Variants in TEAD1 observed in about 807,000 individuals in gnomAD.
TEAD1 encodes the protein TEA domain transcription factor 1, also known as transcriptional enhancer factor TEF-1.
TEAD1 carries 9 observed loss-of-function variants against 54.9 expected under a neutral mutation model. The ratio of observed to expected loss-of-function variants is 0.16; its 90% CI spans 0.10 to 0.29. The LOEUF (loss-of-function observed/expected upper bound fraction) is 0.29, where lower values mean the gene tolerates loss of function less well. Ranked by LOEUF, TEAD1 falls within the 10% of genes least tolerant of loss-of-function variation. The pLI is 1.00. For missense variants in TEAD1, 387 were observed against 535.9 expected (o/e 0.72, Z 2.74); for synonymous variants, 200 against 187.8 (o/e 1.07, Z -0.53).
At chr11:12,735,948 A>G (rs567121499) in intron 2 of TEAD1, among the ~76,000 whole-genome samples, 1 of 152,316 alleles carries the variant, frequency 6.6e-6, no homozygotes, top group African/African-American at 2.4e-5. Context: ...CAATCCAGGT[A>G]CCTACCACTT....
intron 2 of TEAD1, among the ~76,000 whole-genome samples, chr11:12,729,102 C>T (rs1019021958): frequency 3.9e-5 from 6 of 152,218 alleles, no homozygotes; most frequent in African/African-American, 1.4e-4. Flanking sequence ...TCTGCTAGAA[C>T]AGGACTTGGT....
In TEAD1 at chr11:12,694,787, G is replaced by A. The variant is rs1054930768; in HGVS notation, c.-55+19226G>A. On this transcript the variant is annotated intron_variant, in intron 2 of 12. Coordinates refer to ENST00000527636, the MANE Select transcript of TEAD1 (RefSeq NM_021961.6). ...TAGCTAGCGTGGGATTTGAGAAAAT[G>A]GGACTGAAATGAGACCCTTCTCCCC... is the stretch of plus-strand genomic sequence containing the variant. Among the ~76,000 whole-genome samples, 3 of 152,194 alleles carry A rather than the reference G, an allele frequency of 2.0e-5. No individual in the cohort carries two copies. The East Asian group carries it at 5.8e-4, about 29-fold the overall frequency.
At chr11:12,708,371 A>G (rs1943864001) in intron 2 of TEAD1, among the ~76,000 whole-genome samples, 2 of 151,954 alleles carry the variant, frequency 1.3e-5, no homozygotes, top group African/African-American at 4.8e-5. Flanking sequence ...TCGTGAAGAG[A>G]CACAGTCGGT....
chr11:12,826,718 A>G (rs1038897313), intron 3 of TEAD1, among the ~76,000 whole-genome samples: 5 of 152,204 alleles, frequency 3.3e-5, no homozygotes, highest in African/African-American at 1.2e-4. Flanking sequence ...TTGAGCATCA[A>G]ATGAAAAAAT....
intron 5 of TEAD1, among the ~76,000 whole-genome samples, chr11:12,872,568 G>T (rs1230052817): frequency 6.6e-6 from 1 of 152,202 alleles, no homozygotes; most frequent in Non-Finnish European, 1.5e-5. Flanking sequence ...CAACAGTGTG[G>T]TGATGGAGAA....
chr11:12,918,668 A>G (rs1948756669), intron 10 of TEAD1, among the ~76,000 whole-genome samples: 1 of 152,182 alleles, frequency 6.6e-6, no homozygotes, highest in Non-Finnish European at 1.5e-5. Context: ...AAACACATCC[A>G]TATGTCCCTC....
At chr11:12,759,643 A>T (rs1298165076) in intron 2 of TEAD1, among the ~76,000 whole-genome samples, 2 of 152,132 alleles carry the variant, frequency 1.3e-5, no homozygotes, top group Admixed American at 1.3e-4. Context: ...TGGGCGGATT[A>T]TGAGGTCAGG....
At chr11:12,891,273 C>T (rs1948192299) in intron 9 of TEAD1, among the ~76,000 whole-genome samples, 1 of 152,186 alleles carries the variant, frequency 6.6e-6, no homozygotes. Context: ...TATGTATTCT[C>T]CCACCCCACC....
At chr11:12,870,072 G>C (rs543471497) in intron 5 of TEAD1, among the ~76,000 whole-genome samples, 3 of 152,084 alleles carry the variant, frequency 2.0e-5, no homozygotes, top group Admixed American at 6.6e-5. Context: ...TAGAGACGGG[G>C]TTTCACCATG....
At chr11:12,854,753 G>A (rs1403654207) in intron 3 of TEAD1, among the ~76,000 whole-genome samples, 1 of 142,742 alleles carries the variant, frequency 7.0e-6, no homozygotes, top group Non-Finnish European at 1.5e-5. Context: ...TACCAAGCCT[G>A]GCTGATTTTT....
intron 3 of TEAD1, among the ~76,000 whole-genome samples, chr11:12,802,728 G>A (rs1946085765): frequency 6.6e-6 from 1 of 152,170 alleles, no homozygotes. Flanking sequence ...AGGTATTCCA[G>A]ATATGAGCGA....
chr11:12,902,474 T>C (rs1404658224), intron 10 of TEAD1, among the ~76,000 whole-genome samples: 1 of 152,226 alleles, frequency 6.6e-6, no homozygotes. Flanking sequence ...ACTTCATTTG[T>C]GCTTTAAAAT....
At chr11:12,804,014 T>G (rs142601201) in intron 3 of TEAD1, among the ~76,000 whole-genome samples, 13 of 152,310 alleles carry the variant, frequency 8.5e-5, no homozygotes, top group Non-Finnish European at 1.2e-4. Context: ...CATGTGTAAT[T>G]AGATGCCTAA....
chr11:12,863,232 A>G (rs953854741), intron 4 of TEAD1, among the ~76,000 whole-genome samples: 4 of 152,200 alleles, frequency 2.6e-5, no homozygotes, highest in Non-Finnish European at 5.9e-5. Context: ...AGTGTTTATA[A>G]CGGGGAGAGG....
rs1248229438 is a variant in TEAD1, at chr11:12,674,519, G to C, written c.-523G>C. ...CGCGGCCCCGCCGCCCGCCGCGGGC[G>C]CCCACCAAGCACTTTGCAGACTCGC... On this transcript the variant is annotated 5_prime_UTR_variant, in exon 1 of 13. Transcript: ENST00000527636. 1 of 151,054 alleles carries C rather than the reference G, an allele frequency of 6.6e-6. No homozygotes were observed. 9.4% of individuals were successfully genotyped at this position (151,054 alleles called of 1,614,324 possible).
At chr11:12,802,847 C>T (rs1267855177) in intron 3 of TEAD1, among the ~76,000 whole-genome samples, 2 of 152,214 alleles carry the variant, frequency 1.3e-5, no homozygotes, top group African/African-American at 4.8e-5. Flanking sequence ...GCAACTGTCT[C>T]CATAGCAACA....
intron 2 of TEAD1, among the ~76,000 whole-genome samples, chr11:12,689,871 A>G (rs1252301643): frequency 2.0e-5 from 3 of 151,916 alleles, no homozygotes; most frequent in East Asian, 1.9e-4. Flanking sequence ...AAATTAGTAC[A>G]TATTTTAAAA....
intron 12 of TEAD1, among the ~76,000 whole-genome samples, chr11:12,933,363 AT>A (rs1226750190): frequency 9.2e-5 from 14 of 152,186 alleles, no homozygotes; most frequent in Non-Finnish European, 8.8e-5. Flanking sequence ...GCACTCTTGG[AT>A]TTTGAAAATA....
At chr11:12,778,095 T>C (rs1436446789) in intron 3 of TEAD1, among the ~76,000 whole-genome samples, 1 of 152,194 alleles carries the variant, frequency 6.6e-6, no homozygotes, top group Non-Finnish European at 1.5e-5. Context: ...TTCTAACAAG[T>C]CTTATGAATA....
Sources: allele counts gnomAD v4.1 joint callset (sites outside exome capture counted in the v4.1 genomes callset), GRCh38; gene constraint gnomAD v4.1.1; transcripts MANE v1.5; gene names NCBI Gene and HGNC (gene_info 2026-07-23, HGNC 2026-07-21).